FAM13A: variants seen among roughly 807,000 people sequenced by gnomAD.
FAM13A encodes protein FAM13A.
FAM13A carries 76 observed loss-of-function variants against 129.6 expected under a neutral mutation model. The observed-to-expected ratio is 0.59, with a 90% confidence interval of 0.49 to 0.71. FAM13A has a LOEUF of 0.71. Ranked by LOEUF, FAM13A falls within the 30% of genes least tolerant of loss-of-function variation. The pLI, the probability that FAM13A is intolerant of heterozygous loss-of-function variation, is 0.00. For synonymous variants in FAM13A, 443 were observed against 449.9 expected, an observed-to-expected ratio of 0.98 and a Z score of 0.20; for missense variants, 1,108 against 1,249.3, an observed-to-expected ratio of 0.89 and a Z score of 1.70.
At chr4:89,019,159 A>G (rs1766909436) in intron 3 of FAM13A, among the ~76,000 whole-genome samples, 1 of 152,098 alleles carries the variant, frequency 6.6e-6, no homozygotes, top group Non-Finnish European at 1.5e-5. Flanking sequence ...CTTTTAGCTA[A>G]TATTTCAAAA....
chr4:88,988,485 T>C (rs893081047), intron 4 of FAM13A, among the ~76,000 whole-genome samples: 21 of 152,340 alleles, frequency 1.4e-4, no homozygotes, highest in African/African-American at 3.8e-4. Context: ...AACAGTGAAA[T>C]AGCTGAGGTC....
intron 1 of FAM13A, among the ~76,000 whole-genome samples, chr4:89,045,652 G>A (rs1770744226): frequency 6.6e-6 from 1 of 152,174 alleles, no homozygotes; most frequent in Non-Finnish European, 1.5e-5. Flanking sequence ...AGAAAAATAA[G>A]AGTGGCCTCA....
chr4:88,948,080 T>C (rs192835201), intron 4 of FAM13A, among the ~76,000 whole-genome samples: 37 of 152,272 alleles, frequency 2.4e-4, no homozygotes, highest in African/African-American at 8.4e-4. Context: ...TACATTACTA[T>C]GAATGTTAAA....
At chr4:88,869,610 A>G (rs1741017765) in intron 6 of FAM13A, among the ~76,000 whole-genome samples, 1 of 152,178 alleles carries the variant, frequency 6.6e-6, no homozygotes, top group Non-Finnish European at 1.5e-5. Context: ...AGGGCACTTT[A>G]TTTTCCTTCT....
intron 5 of FAM13A, among the ~76,000 whole-genome samples, chr4:88,913,297 GGAGGAA>G (rs1334096102): frequency 1.9e-4 from 26 of 136,926 alleles, no homozygotes; most frequent in African/African-American, 3.9e-4. Context: ...AAGAAGAACA[GGAGGAA>G]GAGGAAGAGG....
At chr4:89,013,374 C>T in intron 3 of FAM13A, among the ~76,000 whole-genome samples, 1 of 150,594 alleles carries the variant, frequency 6.6e-6, no homozygotes, top group African/African-American at 2.4e-5. Flanking sequence ...ACCCTTTTTA[C>T]CTATCTTCTA....
intron 4 of FAM13A, among the ~76,000 whole-genome samples, chr4:88,980,349 C>T (rs1377721318): frequency 2.0e-5 from 3 of 152,030 alleles, no homozygotes; most frequent in East Asian, 1.9e-4. Context: ...TTTTGTTTGG[C>T]CATGAGCATA....
Position 88,948,535 on chromosome 4 carries a change from C to A in FAM13A, c.606-10294G>T, listed in dbSNP as rs150242334. On this transcript the variant is annotated intron_variant, in intron 4 of 23. Coordinates refer to ENST00000264344, the MANE Select transcript of FAM13A (RefSeq NM_014883.4). ...ACAGAGTCTCACTCTATCACCCAGG[C>A]TGGAGTGCAGTGGCATGATCTCAGC... Among the ~76,000 whole-genome samples the A allele has an allele frequency of 6.5e-3, 993 of 151,920 alleles. 16 individuals are homozygous for A. The highest frequency in any genetic ancestry group is 0.023 in the African/African-American group (951 of 41,434).
At chr4:89,035,132 C>T (rs1376373765) in intron 1 of FAM13A, among the ~76,000 whole-genome samples, 1 of 152,006 alleles carries the variant, frequency 6.6e-6, no homozygotes, top group African/African-American at 2.4e-5. Context: ...AACAGAAAAC[C>T]AAATACAGCA....
At chr4:88,975,641 T>C (rs1760795528) in intron 4 of FAM13A, among the ~76,000 whole-genome samples, 1 of 152,198 alleles carries the variant, frequency 6.6e-6, no homozygotes, top group Non-Finnish European at 1.5e-5. Context: ...GCATGGAAAA[T>C]GAGAAACAAA....
At chr4:88,755,673 T>C (rs544863715) in intron 14 of FAM13A, among the ~76,000 whole-genome samples, 4 of 152,058 alleles carry the variant, frequency 2.6e-5, no homozygotes, top group Admixed American at 2.0e-4. Flanking sequence ...ATCTGTATAA[T>C]AGGAAGGTTC....
chr4:88,845,545 T>C (rs777843905), intron 7 of FAM13A, among the ~76,000 whole-genome samples: 11 of 151,964 alleles, frequency 7.2e-5, no homozygotes, highest in African/African-American at 2.4e-4. Flanking sequence ...ATACAGGAAA[T>C]AGAATTTTCA....
intron 7 of FAM13A, among the ~76,000 whole-genome samples, chr4:88,841,450 C>A (rs1014812048): frequency 7.0e-6 from 1 of 143,456 alleles, no homozygotes; most frequent in South Asian, 2.2e-4. Flanking sequence ...GCCGAGATCA[C>A]GCCACTGCAC....
At chr4:88,752,466 A>C (rs1742824636) in intron 14 of FAM13A, among the ~76,000 whole-genome samples, 1 of 152,186 alleles carries the variant, frequency 6.6e-6, no homozygotes, top group South Asian at 2.1e-4. Context: ...TCGAAATTTA[A>C]AGAGAACTAG....
chr4:88,988,677 T>C, intron 4 of FAM13A, among the ~76,000 whole-genome samples: 1 of 152,132 alleles, frequency 6.6e-6, no homozygotes. Context: ...AGTTAAGTTC[T>C]AGTAAATTGA....
intron 1 of FAM13A, among the ~76,000 whole-genome samples, chr4:89,030,052 T>A (rs1287941799): frequency 6.6e-6 from 1 of 151,678 alleles, no homozygotes; most frequent in Non-Finnish European, 1.5e-5. Context: ...TGTCTCGGTG[T>A]CATTTTAAGG....
intron 6 of FAM13A, among the ~76,000 whole-genome samples, chr4:88,866,389 C>T (rs1740447507): frequency 6.6e-6 from 1 of 152,074 alleles, no homozygotes. Flanking sequence ...GCCATGTTGG[C>T]CAGGCTGGTC....
chr4:88,946,574 T>C (rs1471605859), intron 4 of FAM13A, among the ~76,000 whole-genome samples: 2 of 152,080 alleles, frequency 1.3e-5, no homozygotes, highest in Admixed American at 6.6e-5. Flanking sequence ...AAGGAATCTG[T>C]GCAGTTGCTG....
At chr4:88,964,217 G>A (rs1273526864) in intron 4 of FAM13A, among the ~76,000 whole-genome samples, 1 of 152,156 alleles carries the variant, frequency 6.6e-6, no homozygotes, top group Non-Finnish European at 1.5e-5. Flanking sequence ...TTCAGTCCAA[G>A]AAATATTTAC....
Sources: gnomAD v4.1 joint callset for allele counts (sites outside exome capture counted in the v4.1 genomes callset) on GRCh38, gnomAD v4.1.1 for gene constraint, MANE v1.5 for transcripts, NCBI Gene and HGNC (gene_info 2026-07-23, HGNC 2026-07-21) for gene names.